ITGA9: variants seen among roughly 807,000 people sequenced by gnomAD.
ITGA9 encodes integrin subunit alpha 9.
A neutral mutation model predicts 127.8 loss-of-function variants in ITGA9; 56 were observed. That is an observed-to-expected ratio of 0.44 (90% CI 0.35 to 0.55). The LOEUF is 0.55. Ranked by LOEUF, ITGA9 falls within the 20% of genes least tolerant of loss-of-function variation. ITGA9 has a pLI of 0.00. For synonymous variants in ITGA9, 508 were observed against 514.5 expected, an observed-to-expected ratio of 0.99 and a Z score of 0.17; for missense variants, 1,196 against 1,347.1, an observed-to-expected ratio of 0.89 and a Z score of 1.76.
chr3:37,503,353 G>A (rs1297205958), intron 6 of ITGA9, 46 bp downstream of exon 6: 2 of 1,601,622 alleles, frequency 1.2e-6, no homozygotes, highest in Admixed American at 3.4e-5. Context: ...AAATGGGAGT[G>A]ATTCCCACCA....
At chr3:37,616,482 C>T (rs1246476963) in intron 15 of ITGA9, among the ~76,000 whole-genome samples, 1 of 151,960 alleles carries the variant, frequency 6.6e-6, no homozygotes, top group Non-Finnish European at 1.5e-5. Context: ...CTATTAGGTC[C>T]ACTTGGTGCA....
chr3:37,803,954 G>A lies in ITGA9; in HGVS notation c.3009+12G>A. On this transcript the variant is annotated intron_variant, in intron 27 of 27. Transcript: ENST00000264741. ...TGCTGCTCTGGAAGGTGAGTCTGGT[G>A]ATTGCAGGTCCCCCTGGGGTCCCCA... 6.2e-7 allele frequency: 1 copy of A among 1,614,036 alleles called. No individual in the cohort carries two copies. The highest frequency in any genetic ancestry group is 1.1e-5 in the South Asian group (1 of 91,076).
chr3:37,613,820 C>G (rs144635119), intron 15 of ITGA9, among the ~76,000 whole-genome samples: 7,942 of 152,048 alleles, frequency 0.052, 290 homozygotes, highest in Admixed American at 0.089. Flanking sequence ...TGTTTGTTTT[C>G]TTCTTGTAAA....
chr3:37,508,718 T>A, intron 8 of ITGA9, 91 bp downstream of exon 8: 1 of 975,640 alleles, frequency 1.0e-6, no homozygotes, highest in Non-Finnish European at 1.6e-6. Flanking sequence ...TTGAAGGCCC[T>A]ACCTGTGCCC....
intron 17 of ITGA9, among the ~76,000 whole-genome samples, chr3:37,655,965 G>A (rs1011848850): frequency 6.6e-6 from 1 of 152,152 alleles, no homozygotes; most frequent in Non-Finnish European, 1.5e-5. Context: ...TTTCCCCATT[G>A]CTTGTTTTTG....
At position 37,683,951 on chromosome 3, in the gene ITGA9, C is replaced by A. The variant is rs1281616531; in HGVS notation, c.2003C>A (p.Ala668Asp). ...NISISNLGDD[A>D]YDANVSFNVS... ...TCTATCTCCAACCTCGGAGATGATG[C>A]CTATGATGCCAACGTGTCCTTCAAT... Residue 668 changes from alanine to aspartate, a missense_variant, in exon 18 of 28, where the codon GCC becomes GAC. Ala to Asp is a moderately radical substitution (Grantham distance 126). Transcript: ENST00000264741. 1 of 1,613,698 alleles carries A rather than the reference C, an allele frequency of 6.2e-7. No individual in the cohort carries two copies. The highest frequency in any genetic ancestry group is 8.5e-7 in the Non-Finnish European group (1 of 1,179,646).
chr3:37,787,753 G>A (rs1326647822), intron 26 of ITGA9, among the ~76,000 whole-genome samples: 1 of 152,218 alleles, frequency 6.6e-6, no homozygotes, highest in Non-Finnish European at 1.5e-5. Flanking sequence ...AATTTCCATA[G>A]AGCCTCGCCA....
chr3:37,514,235 A>T (rs1698962639), intron 9 of ITGA9, among the ~76,000 whole-genome samples: 1 of 152,150 alleles, frequency 6.6e-6, no homozygotes, highest in South Asian at 2.1e-4. Flanking sequence ...AGGTGGAAAA[A>T]CTGAGGCCCA....
chr3:37,613,233 G>A (rs1255852400), intron 15 of ITGA9, among the ~76,000 whole-genome samples: 7 of 151,650 alleles, frequency 4.6e-5, no homozygotes, highest in African/African-American at 9.7e-5. Flanking sequence ...TTGTCCTTGC[G>A]ATAGTTTGCT....
At chr3:37,630,167 G>T (rs1225398621) in intron 16 of ITGA9, among the ~76,000 whole-genome samples, 1 of 152,194 alleles carries the variant, frequency 6.6e-6, no homozygotes, top group Non-Finnish European at 1.5e-5. Flanking sequence ...CTAGCAGATT[G>T]TGACCCATGC....
chr3:37,720,986 C>T (rs1701184032), intron 18 of ITGA9, among the ~76,000 whole-genome samples: 1 of 152,068 alleles, frequency 6.6e-6, no homozygotes, highest in Admixed American at 6.5e-5. Flanking sequence ...GCCAAGTGGA[C>T]TCTTTGGGAG....
chr3:37,475,212 G>A (rs1234334171), intron 3 of ITGA9, among the ~76,000 whole-genome samples: 4 of 152,256 alleles, frequency 2.6e-5, no homozygotes, highest in Non-Finnish European at 4.4e-5. Flanking sequence ...TCTGGGGAAA[G>A]AAAGGGAAGA....
At position 37,805,666 on chromosome 3, in the gene ITGA9, TA is replaced by T. The variant is rs755687916; in HGVS notation, c.3009+1725del. ...TTTTAAGCTTTTTAAAAATTATATTTATTTTTTTATTTTGAGATGGAGTTTT... is the reference window on the plus strand; with the variant it reads ...TTTTAAGCTTTTTAAAAATTATATTTTTTTTTTATTTTGAGATGGAGTTTT... On this transcript the variant is annotated intron_variant, in intron 27 of 27. Coordinates refer to ENST00000264741, the MANE Select transcript of ITGA9 (RefSeq NM_002207.3). Among the ~76,000 whole-genome samples, 15 of 152,162 alleles carry T rather than the reference TA, an allele frequency of 9.9e-5. 1 individual carries two copies. The highest frequency in any genetic ancestry group is 4.1e-4 in the South Asian group (2 of 4,824).
intron 2 of ITGA9, among the ~76,000 whole-genome samples, 155 bp downstream of exon 2, chr3:37,471,289 A>C (rs573397257): frequency 6.6e-6 from 1 of 152,192 alleles, no homozygotes; most frequent in East Asian, 1.9e-4. Context: ...AGTACGTAAT[A>C]GTTATTAAGC....
At chr3:37,572,129 C>T (rs182603240) in intron 15 of ITGA9, among the ~76,000 whole-genome samples, 4 of 152,032 alleles carry the variant, frequency 2.6e-5, no homozygotes, top group Non-Finnish European at 5.9e-5. Context: ...TAAACATGCC[C>T]AGGGGTCTCT....
intron 22 of ITGA9, chr3:37,745,666 G>A (rs890109098): frequency 6.6e-6 from 1 of 152,210 alleles, no homozygotes; most frequent in South Asian, 2.1e-4. Flanking sequence ...AAGAAGAACA[G>A]GGGTTGCACA....
intron 23 of ITGA9, among the ~76,000 whole-genome samples, chr3:37,757,372 A>G (rs939232136): frequency 4.6e-5 from 7 of 151,584 alleles, no homozygotes; most frequent in Admixed American, 4.6e-4. Flanking sequence ...AATTTATAAC[A>G]TCTTTTGAGC....
At chr3:37,752,899 C>T (rs1025998774) in intron 23 of ITGA9, among the ~76,000 whole-genome samples, 1 of 152,228 alleles carries the variant, frequency 6.6e-6, no homozygotes, top group Non-Finnish European at 1.5e-5. Flanking sequence ...TCCAAACTCC[C>T]AGCCTTGGCT....
At chr3:37,586,750 G>A (rs569201617) in intron 15 of ITGA9, among the ~76,000 whole-genome samples, 7 of 152,280 alleles carry the variant, frequency 4.6e-5, no homozygotes, top group African/African-American at 1.7e-4. Flanking sequence ...TTTAACTTAC[G>A]GGTCACCTGG....
Sources: allele counts gnomAD v4.1 joint callset (sites outside exome capture counted in the v4.1 genomes callset), GRCh38; gene constraint gnomAD v4.1.1; transcripts MANE v1.5; gene names NCBI Gene and HGNC (gene_info 2026-07-23, HGNC 2026-07-21).